ADAMTSL2: variants seen among roughly 807,000 people sequenced by gnomAD.
The protein encoded by ADAMTSL2 is ADAMTS like 2, also known as ADAMTS-like protein 2.
A neutral mutation model predicts 117.0 loss-of-function variants in ADAMTSL2; 55 were observed. The observed-to-expected ratio is 0.47, with a 90% CI of 0.38 to 0.59. ADAMTSL2 has a LOEUF of 0.59. Among genes scored for constraint, ADAMTSL2 ranks in the 20% least tolerant of loss-of-function variants. ADAMTSL2 has a pLI of 0.00. For missense variants in ADAMTSL2, 1,182 were observed against 1,354.5 expected, an observed-to-expected ratio of 0.87 and a Z score of 2.00; for synonymous variants, 572 against 566.4, an observed-to-expected ratio of 1.01 and a Z score of -0.14.
chr9:133,545,290 T>C (rs1262099234), intron 8 of ADAMTSL2, among the ~76,000 whole-genome samples: 1 of 152,172 alleles, frequency 6.6e-6, no homozygotes, highest in Non-Finnish European at 1.5e-5. Context: ...ATAGGGACGC[T>C]GTTCTTGGAC....
At chr9:133,565,107 A>C (rs1830934870) in intron 12 of ADAMTSL2, among the ~76,000 whole-genome samples, 1 of 152,156 alleles carries the variant, frequency 6.6e-6, no homozygotes, top group African/African-American at 2.4e-5. Flanking sequence ...TGGTGAGGAC[A>C]GTGGATCCTG....
intron 1 of ADAMTSL2, 36 bp downstream of exon 1, chr9:133,534,953 G>C: frequency 7.3e-7 from 1 of 1,368,940 alleles, no homozygotes; most frequent in African/African-American, 1.5e-5. Context: ...TCACGTTGCA[G>C]CGTCCACCAG....
rs1405961038 is a variant in ADAMTSL2, at chr9:133,573,995, G to T, written c.2737+8G>T. The T allele has an allele frequency of 1.2e-6, 2 of 1,610,980 alleles. No individual in the cohort carries two copies. Among genetic ancestry groups the T allele is most frequent in the Non-Finnish European group, 8.5e-7 (1 of 1,178,964 alleles). On this transcript the variant is annotated splice_region_variant and intron_variant, in intron 18 of 18. Transcript: ENST00000651351. ...GCCCCACGGAGCCCCCAGGTGAGGC[G>T]CGGGGAGGCCGAGGGTGGCTCTGGG...
intron 15 of ADAMTSL2, 116 bp from the exon 16 acceptor site, chr9:133,569,292 G>A: frequency 2.0e-6 from 2 of 1,022,898 alleles, no homozygotes; most frequent in Admixed American, 2.2e-5. Context: ...GGTTACCATG[G>A]CAACCGCTTC....
chr9:133,557,259 G>C lies in ADAMTSL2; in HGVS notation c.1649+1329G>C, dbSNP rs1830623155. Among the ~76,000 whole-genome samples, 1 of 152,186 alleles carries C rather than the reference G, an allele frequency of 6.6e-6. No homozygotes were observed. The highest frequency in any genetic ancestry group is 1.5e-5 in the Non-Finnish European group (1 of 68,020). ...GGATGCCTGCCGCTTTTCTCAAACT[G>C]TTTTCTGAGGCCACCGAGGTGCCTG... On this transcript the variant is annotated intron_variant, in intron 11 of 18. Coordinates refer to ENST00000651351, the MANE Select transcript of ADAMTSL2 (RefSeq NM_014694.4). The surrounding 1 kb of genome is among the most constrained non-coding windows in gnomAD (Gnocchi z 5.2).
At chr9:133,561,337 C>G in intron 12 of ADAMTSL2, 42 bp downstream of exon 12, 1 of 1,527,314 alleles carries the variant, frequency 6.5e-7, no homozygotes, top group Non-Finnish European at 8.9e-7. Context: ...TGCCCTGAAC[C>G]CATTTCCATG....
At position 133,539,863 on chromosome 9, in the gene ADAMTSL2, T is replaced by C. The variant is rs1277705244; in HGVS notation, c.402T>C (p.Pro134=). The part of the protein sequence containing the change: ...VYNGRTHQWK[P]LYPDDYVHIS... ...ACGGGCGGACGCACCAGTGGAAGCC[T>C]CTGTACCCGGGTACCTGCCGCCCTG... is the stretch of plus-strand genomic sequence containing the variant. Residue 134 remains proline (P), a synonymous_variant, in exon 5 of 19, where the codon CCT becomes CCC. Coordinates refer to ENST00000651351, the MANE Select transcript of ADAMTSL2 (RefSeq NM_014694.4). The C allele has an allele frequency of 6.4e-6, 10 of 1,550,922 alleles. No homozygotes were observed. The highest frequency in any genetic ancestry group is 8.7e-6 in the Non-Finnish European group (10 of 1,146,964).
chr9:133,571,386 A>G (rs1217005076), intron 17 of ADAMTSL2, among the ~76,000 whole-genome samples: 24 of 152,164 alleles, frequency 1.6e-4, no homozygotes, highest in African/African-American at 5.8e-4. Context: ...GCTCATCCCA[A>G]GGGGCCCTGG....
At chr9:133,538,215 T>C in intron 3 of ADAMTSL2, 134 bp from the exon 4 acceptor site, 2 of 1,000,620 alleles carry the variant, frequency 2.0e-6, no homozygotes, top group East Asian at 4.8e-5. Flanking sequence ...GGGTGGGAGT[T>C]GAGTAGGGAG....
At position 133,538,411 on chromosome 9, in the gene ADAMTSL2, T is replaced by G; in HGVS notation, c.296T>G (p.Leu99Arg). Residue 99 changes from leucine (L) to arginine (R), a missense_variant, in exon 4 of 19, where the codon CTC becomes CGC. By Grantham distance (102) the Leu-to-Arg change is moderately radical (BLOSUM62 -2). This residue lies in a region of ADAMTSL2 where 372 missense variants were observed against 463.4 expected (regional missense o/e 0.80). Transcript: ENST00000651351. Reference protein sequence around the residue: ...TCTGTSKRYQLCRVQECPPDG... With the variant: ...TCTGTSKRYQRCRVQECPPDG... The stretch of plus-strand genomic sequence containing the variant: ...ACGGGCACGTCCAAGCGGTACCAGC[T>G]CTGCAGAGTGCAGGTGAGGCCCGGC... 6.2e-7 allele frequency: 1 copy of G among 1,613,180 alleles called. No individual in the cohort carries two copies. The highest frequency in any genetic ancestry group is 8.5e-7 in the Non-Finnish European group (1 of 1,180,010).
chr9:133,538,259 T>C, intron 3 of ADAMTSL2, 90 bp from the exon 4 acceptor site: 1 of 1,490,508 alleles, frequency 6.7e-7, no homozygotes, highest in Non-Finnish European at 9.4e-7. Context: ...TATCGGGAGA[T>C]TCTGGATCCC....
chr9:133,539,761 C>G lies in ADAMTSL2; in HGVS notation c.310-10C>G, dbSNP rs571169702. ...TCCTCCCGGAGCCTCCCTGTCCCTT[C>G]GCTTCCCAGGAGTGTCCGCCGGACG... On this transcript the variant is annotated splice_polypyrimidine_tract_variant and intron_variant, in intron 4 of 18. Transcript: ENST00000651351. The G allele has an allele frequency of 2.2e-6, 3 of 1,362,944 alleles. No individual in the cohort carries two copies. Among genetic ancestry groups the G allele is most frequent in the Non-Finnish European group, 2.9e-6 (3 of 1,051,254 alleles). 84.4% of individuals were successfully genotyped at this position (1,362,944 alleles called of 1,614,324 possible). A position where few individuals can be genotyped will look rare whatever the true frequency, so the allele number is the denominator to read the frequency against.
chr9:133,554,339 C>G lies in ADAMTSL2; in HGVS notation c.940-18C>G. The G allele has an allele frequency of 1.3e-6, 2 of 1,537,192 alleles. No homozygotes were observed. The highest frequency in any genetic ancestry group is 1.7e-6 in the Non-Finnish European group (2 of 1,145,360). ...GACAGAGTAAGGAGGGGCTGGGGAC[C>G]CACTTCTCTTTCCCTAGGTGTGGAA... On this transcript the variant is annotated intron_variant, in intron 9 of 18. Coordinates refer to ENST00000651351, the MANE Select transcript of ADAMTSL2 (RefSeq NM_014694.4). The surrounding 1 kb of genome is among the most constrained non-coding windows in gnomAD (Gnocchi z 5.2).
At chr9:133,535,337 A>C (rs980125067) in intron 1 of ADAMTSL2, among the ~76,000 whole-genome samples, 6 of 99,680 alleles carry the variant, frequency 6.0e-5, no homozygotes, top group African/African-American at 2.3e-4. Context: ...TGTGGGTGTG[A>C]GGCTGAGAGT....
intron 10 of ADAMTSL2, 102 bp from the exon 11 acceptor site, chr9:133,555,456 G>A: frequency 1.4e-6 from 2 of 1,480,496 alleles, no homozygotes; most frequent in African/African-American, 1.4e-5. Context: ...TCTTGGTTCA[G>A]CTTGGTGTTT....
chr9:133,566,604 C>T (rs952442832), intron 12 of ADAMTSL2, among the ~76,000 whole-genome samples: 20 of 152,164 alleles, frequency 1.3e-4, no homozygotes, highest in African/African-American at 4.1e-4. Flanking sequence ...GGTTGCTGAA[C>T]GCCTGGCGAT....
rs1454225122 is a variant in ADAMTSL2 at position 133,554,920 on chromosome 9, G to A, written c.1276+227G>A. 6.6e-6 allele frequency among the ~76,000 whole-genome samples: 1 copy of A among 152,202 alleles called. No homozygotes were observed. Among genetic ancestry groups the A allele is most frequent in the African/African-American group, 2.4e-5 (1 of 41,458 alleles). ...TGTGGTTATCCCCATTTGATGGATG[G>A]GGAGACTGAGGCTTAGAAAGAGGAA... On this transcript the variant is annotated intron_variant, in intron 10 of 18. Transcript: ENST00000651351. The surrounding 1 kb of genome is among the most constrained non-coding windows in gnomAD (Gnocchi z 5.2).
At chr9:133,533,781 CA>C (rs1465277307), upstream of ADAMTSL2, among the ~76,000 whole-genome samples, 14 of 152,186 alleles carry the variant, frequency 9.2e-5, no homozygotes, top group Admixed American at 9.2e-4. Flanking sequence ...GAGGCAGGGG[CA>C]TGGATGAAAA....
chr9:133,544,608 C>G, intron 8 of ADAMTSL2, 58 bp downstream of exon 8: 2 of 1,462,882 alleles, frequency 1.4e-6, no homozygotes, highest in Non-Finnish European at 1.9e-6. Flanking sequence ...GAGCGTTGTG[C>G]GTGGCAGAGA....
Sources: allele counts gnomAD v4.1 joint callset (sites outside exome capture counted in the v4.1 genomes callset), GRCh38; gene constraint gnomAD v4.1.1; regional missense constraint gnomAD v4.1.1; non-coding constraint Gnocchi (gnomAD v3.1); transcripts MANE v1.5; gene names NCBI Gene and HGNC (gene_info 2026-07-23, HGNC 2026-07-21).